PIKFYVE: variants seen among roughly 807,000 people sequenced by gnomAD.
The protein encoded by PIKFYVE is 1-phosphatidylinositol 3-phosphate 5-kinase.
In PIKFYVE, 122 loss-of-function variants were observed where a neutral mutation model predicts 257.9. That is an observed-to-expected ratio of 0.47 (90% CI 0.41 to 0.55). The LOEUF (loss-of-function observed/expected upper bound fraction) is 0.55, where lower values mean the gene tolerates loss of function less well. Among genes scored for constraint, PIKFYVE ranks in the 20% least tolerant of loss-of-function variants. The pLI, the probability that PIKFYVE is intolerant of heterozygous loss-of-function variation, is 0.00. For synonymous variants in PIKFYVE, 892 were observed against 868.9 expected (o/e 1.03, Z -0.47); for missense variants, 2,160 against 2,536.6 (o/e 0.85, Z 3.19).
At chr2:208,341,275 T>A (rs1698675350) in intron 31 of PIKFYVE, among the ~76,000 whole-genome samples, 1 of 152,184 alleles carries the variant, frequency 6.6e-6, no homozygotes, top group Non-Finnish European at 1.5e-5. Context: ...CCCAAAGTAC[T>A]GAGCTACTGG....
chr2:208,270,859 C>G (rs1689329635), intron 1 of PIKFYVE, among the ~76,000 whole-genome samples: 2 of 151,838 alleles, frequency 1.3e-5, no homozygotes, highest in African/African-American at 4.8e-5. Context: ...CATGGTGAAA[C>G]CCCATCTCTA....
At chr2:208,331,594 C>G (rs1323885693) in intron 23 of PIKFYVE, among the ~76,000 whole-genome samples, 1 of 152,196 alleles carries the variant, frequency 6.6e-6, no homozygotes, top group African/African-American at 2.4e-5. Flanking sequence ...CCAGGCTGGT[C>G]TCAAACTCCT....
Position 208,336,324 on chromosome 2 carries a change from G to A in PIKFYVE, c.4520+124G>A. On this transcript the variant is annotated intron_variant, in intron 27 of 41. Transcript: ENST00000264380. ...TTGTGCTCAAGTTAAAGAGCCTTTT[G>A]TTTCCTGTCACTCTCCTTTCCTCTT... 2.7e-6 allele frequency: 3 copies of A among 1,125,038 alleles called. No individual in the cohort carries two copies. In the South Asian group the frequency reaches 3.9e-5, roughly 15 times the overall value. 69.7% of individuals were successfully genotyped at this position (1,125,038 alleles called of 1,614,324 possible). A position where few individuals can be genotyped will look rare whatever the true frequency, so the allele number is the denominator to read the frequency against.
Position 208,345,962 on chromosome 2 carries a change from T to C in PIKFYVE, c.5112-88T>C, listed in dbSNP as rs189963019. On this transcript the variant is annotated intron_variant, in intron 33 of 41. Coordinates refer to ENST00000264380, the MANE Select transcript of PIKFYVE (RefSeq NM_015040.4). ...TGGGCTTAGGTAGGAAGTAAATCAG[T>C]GTACAGCGTAATTAGTGTAGAGTAC... 29 of 884,174 alleles carry C rather than the reference T, an allele frequency of 3.3e-5. No homozygotes were observed. The Admixed American group carries it at 5.3e-4, about 16-fold the overall frequency. 54.8% of individuals were successfully genotyped at this position (884,174 alleles called of 1,614,324 possible).
At chr2:208,330,068 C>G (rs910662523) in intron 22 of PIKFYVE, among the ~76,000 whole-genome samples, 155 bp downstream of exon 22, 1 of 152,156 alleles carries the variant, frequency 6.6e-6, no homozygotes, top group African/African-American at 2.4e-5. Flanking sequence ...AAGTAATAAT[C>G]TATTTCATAT....
At chr2:208,307,137 T>A (rs1694424835) in intron 12 of PIKFYVE, among the ~76,000 whole-genome samples, 1 of 152,148 alleles carries the variant, frequency 6.6e-6, no homozygotes, top group Non-Finnish European at 1.5e-5. Context: ...CGTAGGAGAA[T>A]GAATCTGAAA....
intron 21 of PIKFYVE, among the ~76,000 whole-genome samples, chr2:208,329,397 A>C (rs73060414): frequency 1.8e-4 from 28 of 152,286 alleles, no homozygotes; most frequent in South Asian, 6.2e-4. Context: ...TATATAGCCA[A>C]ACTGTCTTGT....
Position 208,325,262 on chromosome 2 carries a change from G to A in PIKFYVE, c.2459-8G>A, listed in dbSNP as rs1243149968. On this transcript the variant is annotated splice_region_variant and splice_polypyrimidine_tract_variant and intron_variant, in intron 19 of 41. Transcript: ENST00000264380. ...CCATCTTAACTTTCTGTTTGTTTTTGTTTGTAGAACAAACCAAGACACTGA... is the reference window on the plus strand; with the variant it reads ...CCATCTTAACTTTCTGTTTGTTTTTATTTGTAGAACAAACCAAGACACTGA... The A allele has an allele frequency of 1.2e-6, 2 of 1,612,694 alleles. No individual in the cohort carries two copies. The highest frequency in any genetic ancestry group is 1.7e-5 in the Admixed American group (1 of 59,888).
chr2:208,291,455 G>A (rs569453949), intron 7 of PIKFYVE, among the ~76,000 whole-genome samples: 1 of 152,134 alleles, frequency 6.6e-6, no homozygotes, highest in East Asian at 1.9e-4. Context: ...GTCTTTGTCT[G>A]GTTTTGGTAT....
In PIKFYVE at chr2:208,351,014, C is replaced by A. The variant is rs754551900; in HGVS notation, c.5611+67C>A. ...CATCTCTTTACCTCAGAAAATGCAG[C>A]AGGAAGGATATTGCTTAATAAGAAC... On this transcript the variant is annotated intron_variant, in intron 37 of 41. Coordinates refer to ENST00000264380, the MANE Select transcript of PIKFYVE (RefSeq NM_015040.4). 2.4e-5 allele frequency: 38 copies of A among 1,581,766 alleles called. No individual in the cohort carries two copies. In the South Asian group the frequency reaches 2.4e-4, roughly 10 times the overall value.
In PIKFYVE at chr2:208,283,700, C is replaced by T. The variant is rs192517191; in HGVS notation, c.614-2026C>T. Among the ~76,000 whole-genome samples the T allele has an allele frequency of 7.2e-4, 110 of 152,236 alleles. 3 individuals are homozygous for T. The highest frequency in any genetic ancestry group is 3.1e-3 in the Admixed American group (47 of 15,300). ...GGCTCAAGCAATCCTCCTACCTCTC[C>T]GCCTCCCAAGTAGCTTGGACTACAG... On this transcript the variant is annotated intron_variant, in intron 5 of 41. Coordinates refer to ENST00000264380, the MANE Select transcript of PIKFYVE (RefSeq NM_015040.4).
chr2:208,284,836 A>G (rs1389772811), intron 5 of PIKFYVE, among the ~76,000 whole-genome samples: 3 of 151,698 alleles, frequency 2.0e-5, no homozygotes, highest in Admixed American at 6.6e-5. Flanking sequence ...TATTTTATAT[A>G]TGTTTATATT....
intron 7 of PIKFYVE, among the ~76,000 whole-genome samples, chr2:208,291,575 A>G (rs1464517694): frequency 6.6e-6 from 1 of 152,140 alleles, no homozygotes; most frequent in Non-Finnish European, 1.5e-5. Flanking sequence ...TGTTTGGTAG[A>G]ATTCACCAGT....
chr2:208,350,889 C>G lies in PIKFYVE; in HGVS notation c.5553C>G (p.His1851Gln). The G allele has an allele frequency of 1.2e-6, 2 of 1,614,182 alleles. No homozygotes were observed. The highest frequency in any genetic ancestry group is 1.1e-5 in the South Asian group (1 of 91,088). Residue 1851 changes from histidine to glutamine, a missense_variant, in exon 37 of 42, where the codon CAC becomes CAG. Coordinates refer to ENST00000264380, the MANE Select transcript of PIKFYVE (RefSeq NM_015040.4). ...SEEDFIRSLS[H>Q]SSPWQARGGK... ...AAGATTTCATTCGTTCCCTCTCCCA[C>G]TCATCACCCTGGCAGGCCCGGGGAG...
rs756420698 is a variant in PIKFYVE, at chr2:208,333,491, C to T, written c.4140C>T (p.Phe1380=). 6.2e-7 allele frequency: 1 copy of T among 1,613,042 alleles called. No individual in the cohort carries two copies. Among genetic ancestry groups the T allele is most frequent in the South Asian group, 1.1e-5 (1 of 91,068 alleles). Residue 1380 remains phenylalanine, a splice_region_variant and synonymous_variant, in exon 24 of 42, where the codon TTC becomes TTT. Transcript: ENST00000264380. ...YFSYNQMVAS[F]SYSPIRLLEV... is the part of the protein sequence containing the mutation. ...CCTATAACCAGATGGTGGCGTCTTT[C>T]AGGTAAGAAATCCTAGGAATCTTGT... is the stretch of plus-strand genomic sequence containing the variant.
rs1181003059 is a variant in PIKFYVE, at chr2:208,357,515, T to G, written c.*2210T>G. On this transcript the variant is annotated 3_prime_UTR_variant, in exon 42 of 42. Coordinates refer to ENST00000264380, the MANE Select transcript of PIKFYVE (RefSeq NM_015040.4). ...CTTGAACAACTGTGTTTTAAAGTACTGTAGTCTAGTAGGTAACTTTGTGGC... is the reference window on the plus strand; with the variant it reads ...CTTGAACAACTGTGTTTTAAAGTACGGTAGTCTAGTAGGTAACTTTGTGGC... The G allele has an allele frequency of 6.6e-6, 1 of 152,278 alleles. No homozygotes were observed. Among genetic ancestry groups the G allele is most frequent in the Non-Finnish European group, 1.5e-5 (1 of 68,046 alleles). 9.4% of individuals were successfully genotyped at this position (152,278 alleles called of 1,614,324 possible).
chr2:208,269,758 TC>T, intron 1 of PIKFYVE: 1 of 247,978 alleles, frequency 4.0e-6, no homozygotes. Context: ...CTTGAACTCC[TC>T]CAGCTGATCC....
intron 1 of PIKFYVE, chr2:208,269,925 G>A (rs72989243): frequency 0.068 from 17,855 of 262,206 alleles, 786 homozygotes; most frequent in Non-Finnish European, 0.09. Flanking sequence ...GGAGGGCCCT[G>A]CTGGTTCCTC....
chr2:208,343,976 C>T (rs1698981503), intron 32 of PIKFYVE, among the ~76,000 whole-genome samples: 1 of 151,948 alleles, frequency 6.6e-6, no homozygotes, highest in Admixed American at 6.6e-5. Context: ...GCCACCATGC[C>T]CGGCTAATTT....
Sources: gnomAD v4.1 joint callset for allele counts (sites outside exome capture counted in the v4.1 genomes callset) on GRCh38, gnomAD v4.1.1 for gene constraint, MANE v1.5 for transcripts, NCBI Gene and HGNC (gene_info 2026-07-23, HGNC 2026-07-21) for gene names.